The following TNIK variants were observed in gnomAD, a reference collection of about 807,000 sequenced individuals.
The protein encoded by TNIK is TRAF2 and NCK-interacting protein kinase.
A neutral mutation model predicts 191.3 loss-of-function variants in TNIK; 49 were observed. The ratio of observed to expected loss-of-function variants is 0.26; its 90% confidence interval spans 0.20 to 0.32. The LOEUF (loss-of-function observed/expected upper bound fraction) is 0.32. TNIK is among the 10% of genes least tolerant of loss of function. The pLI is 1.00. For synonymous variants in TNIK, 594 were observed against 600.9 expected, an observed-to-expected ratio of 0.99 and a Z score of 0.17; for missense variants, 1,155 against 1,702.3, an observed-to-expected ratio of 0.68 and a Z score of 5.66.
intron 2 of TNIK, among the ~76,000 whole-genome samples, chr3:171,354,439 C>G (rs1002197657): frequency 2.6e-5 from 4 of 152,076 alleles, no homozygotes; most frequent in Admixed American, 2.6e-4. Flanking sequence ...CCTCGGAGGG[C>G]CAAAAGGGCA....
intron 1 of TNIK, among the ~76,000 whole-genome samples, chr3:171,422,761 C>T (rs190225417): frequency 4.9e-4 from 74 of 152,312 alleles, no homozygotes; most frequent in Non-Finnish European, 8.8e-4. Context: ...ACCAAACATT[C>T]TCTTCATTGA....
Position 171,085,179 on chromosome 3 carries a change from G to C in TNIK, c.2937C>G (p.Pro979=). The stretch of plus-strand genomic sequence containing the variant: ...CAGTGGGAGACGTCTGGTATACTCT[G>C]GGGTCCACAAAGGGGGTGAAGGAGG... ...TKASFTPFVD[P]RVYQTSPTDE... is the part of the protein sequence containing the mutation. The change falls in exon 25 of 33, where the codon CCC becomes CCG. Residue 979 remains proline (P), a synonymous_variant. Coordinates refer to ENST00000436636, the MANE Select transcript of TNIK (RefSeq NM_015028.4). 1 of 1,612,082 alleles carries C rather than the reference G, an allele frequency of 6.2e-7. No homozygotes were observed.
At chr3:171,198,017 T>C (rs1053923908) in intron 4 of TNIK, among the ~76,000 whole-genome samples, 14 of 152,096 alleles carry the variant, frequency 9.2e-5, no homozygotes, top group African/African-American at 3.4e-4. Context: ...AAAAACAAAA[T>C]GTCTATCAAC....
chr3:171,100,504 T>TTA (rs1434961854), intron 22 of TNIK, among the ~76,000 whole-genome samples: 2 of 152,134 alleles, frequency 1.3e-5, no homozygotes, highest in African/African-American at 4.8e-5. Context: ...GGCTTCTTTT[T>TTA]TATATAGAGT....
chr3:171,284,977 AAG>A (rs1750862126), intron 2 of TNIK, among the ~76,000 whole-genome samples: 1 of 152,240 alleles, frequency 6.6e-6, no homozygotes, highest in African/African-American at 2.4e-5. Flanking sequence ...TGCTTACAGT[AAG>A]AGAAATGGAG....
At chr3:171,413,869 C>T (rs567779931) in intron 1 of TNIK, among the ~76,000 whole-genome samples, 2 of 152,272 alleles carry the variant, frequency 1.3e-5, no homozygotes, top group Admixed American at 1.3e-4. Flanking sequence ...ATCGTAGTTC[C>T]TTCTCTGTCA....
At chr3:171,174,095 A>G (rs150896030) in intron 9 of TNIK, among the ~76,000 whole-genome samples, 2 of 152,298 alleles carry the variant, frequency 1.3e-5, no homozygotes, top group East Asian at 1.9e-4. Context: ...CTCCCCTCGC[A>G]GGGCCCGGCA....
intron 2 of TNIK, among the ~76,000 whole-genome samples, chr3:171,232,870 C>T (rs952996697): frequency 4.6e-5 from 7 of 152,224 alleles, no homozygotes; most frequent in African/African-American, 2.4e-5. Flanking sequence ...TACCCTACTC[C>T]TTCAACTCCT....
chr3:171,312,342 AG>A (rs1358471114), intron 2 of TNIK, among the ~76,000 whole-genome samples: 5 of 151,974 alleles, frequency 3.3e-5, no homozygotes, highest in African/African-American at 1.2e-4. Flanking sequence ...ATATGAAAAT[AG>A]TTCTATGTAA....
At chr3:171,108,829 C>G (rs903128441) in intron 19 of TNIK, among the ~76,000 whole-genome samples, 1 of 152,098 alleles carries the variant, frequency 6.6e-6, no homozygotes, top group African/African-American at 2.4e-5. Context: ...GAGAAGGGCC[C>G]TAGGCTGGAG....
chr3:171,094,605 C>T (rs184697482), intron 22 of TNIK, among the ~76,000 whole-genome samples: 1 of 152,248 alleles, frequency 6.6e-6, no homozygotes, highest in African/African-American at 2.4e-5. Context: ...ATGATCTCCC[C>T]TGACCCCTGC....
chr3:171,161,350 C>G lies in TNIK; in HGVS notation c.950-14G>C, dbSNP rs1414963593. The stretch of plus-strand genomic sequence containing the variant: ...ACTCTGTCTCATCTGAAGAAAGATC[C>G]CAGCATGTTAGTGCACAAAAAGATG... On this transcript the variant is annotated splice_polypyrimidine_tract_variant and intron_variant, in intron 10 of 32. Transcript: ENST00000436636. 1 of 1,609,338 alleles carries G rather than the reference C, an allele frequency of 6.2e-7. No homozygotes were observed. Among genetic ancestry groups the G allele is most frequent in the East Asian group, 2.2e-5 (1 of 44,798 alleles).
Position 171,365,297 on chromosome 3 carries a change from G to A in TNIK, c.123+4323C>T, listed in dbSNP as rs369452776. Among the ~76,000 whole-genome samples, 28 of 146,366 alleles carry A rather than the reference G, an allele frequency of 1.9e-4. 1 individual carries two copies. The East Asian group carries it at 4.4e-3, about 23-fold the overall frequency. ...TCCCTCGTTCAAGTGATTTTCCTGC[G>A]TCAGCCTTCTGAGTAGCTGGGATTA... On this transcript the variant is annotated intron_variant, in intron 2 of 32. Transcript: ENST00000436636.
chr3:171,145,601 C>T (rs964455898), intron 12 of TNIK, among the ~76,000 whole-genome samples: 1 of 152,128 alleles, frequency 6.6e-6, no homozygotes, highest in African/African-American at 2.4e-5. Context: ...CCCACCTGTT[C>T]AGGGGGCCCT....
At chr3:171,158,948 TG>T (rs1272000346) in intron 11 of TNIK, among the ~76,000 whole-genome samples, 13 of 152,044 alleles carry the variant, frequency 8.6e-5, no homozygotes, top group Admixed American at 3.3e-4. Flanking sequence ...TTTGAGCAAC[TG>T]AACACCAGCC....
chr3:171,284,898 C>T lies in TNIK; in HGVS notation c.124-56677G>A, dbSNP rs572008158. On this transcript the variant is annotated intron_variant, in intron 2 of 32. Coordinates refer to ENST00000436636, the MANE Select transcript of TNIK (RefSeq NM_015028.4). ...AGTAAGGGGGAGAACTCAGAGAAAG[C>T]GTGCGCTGACTAAAAGACAGAAAGG... Among the ~76,000 whole-genome samples the T allele has an allele frequency of 7.9e-5, 12 of 152,282 alleles. No individual in the cohort carries two copies. The East Asian group carries it at 1.2e-3, about 15-fold the overall frequency.
At chr3:171,243,716 G>C (rs1237718407) in intron 2 of TNIK, among the ~76,000 whole-genome samples, 1 of 152,106 alleles carries the variant, frequency 6.6e-6, no homozygotes, top group African/African-American at 2.4e-5. Context: ...TTTACTCCTA[G>C]AGGAAGGTTT....
intron 1 of TNIK, among the ~76,000 whole-genome samples, chr3:171,449,867 C>T (rs34875385): frequency 0.083 from 12,383 of 149,028 alleles, 578 homozygotes; most frequent in African/African-American, 0.12. Context: ...GAAACCCCGT[C>T]TCTACTATAA....
intron 19 of TNIK, among the ~76,000 whole-genome samples, chr3:171,108,596 G>A (rs559787996): frequency 6.6e-6 from 1 of 152,190 alleles, no homozygotes; most frequent in Non-Finnish European, 1.5e-5. Context: ...TCTGATTTCT[G>A]AAAGTCCTAT....
Sources: allele counts gnomAD v4.1 joint callset (sites outside exome capture counted in the v4.1 genomes callset), GRCh38; gene constraint gnomAD v4.1.1; transcripts MANE v1.5; gene names NCBI Gene and HGNC (gene_info 2026-07-23, HGNC 2026-07-21).